POLR1A: variants seen among roughly 807,000 people sequenced by gnomAD.
POLR1A encodes the protein RNA polymerase I subunit A.
POLR1A carries 84 observed loss-of-function variants against 205.3 expected under a neutral mutation model. The ratio of observed to expected loss-of-function variants is 0.41; its 90% CI spans 0.34 to 0.49. The LOEUF is 0.49. Among genes scored for constraint, POLR1A ranks in the 20% least tolerant of loss-of-function variants. The pLI is 0.22. For synonymous variants in POLR1A, 799 were observed against 863.7 expected, an observed-to-expected ratio of 0.93 and a Z score of 1.31; for missense variants, 1,645 against 2,204.5, an observed-to-expected ratio of 0.75 and a Z score of 5.08.
At chr2:86,032,465 C>T in intron 28 of POLR1A, 83 bp from the exon 29 acceptor site, 4 of 960,270 alleles carry the variant, frequency 4.2e-6, no homozygotes, top group Middle Eastern at 2.1e-4. Context: ...ACCAACCCAT[C>T]CATCCATCCA....
Position 86,080,831 on chromosome 2 carries a change from T to A in POLR1A, c.1071A>T (p.Thr357=). The part of the protein sequence containing the change: ...QEQKLPEEVA[T]PTTDEEKDSL... ...CAGCCCTGACCTCATCTGTAGTGGG[T>A]GTGGCCACTTCCTCTGGCAACTTCT... Residue 357 remains threonine, a synonymous_variant, in exon 9 of 34, where the codon ACA becomes ACT. Transcript: ENST00000263857. 2 of 1,612,322 alleles carry A rather than the reference T, an allele frequency of 1.2e-6. No individual in the cohort carries two copies. The highest frequency in any genetic ancestry group is 1.7e-6 in the Non-Finnish European group (2 of 1,179,062).
At chr2:86,071,529 C>T (rs1410062135) in intron 12 of POLR1A, among the ~76,000 whole-genome samples, 2 of 152,146 alleles carry the variant, frequency 1.3e-5, no homozygotes, top group African/African-American at 4.8e-5. Flanking sequence ...AAAAGGTCTT[C>T]ACTTATTTTT....
In POLR1A at chr2:86,024,703, A is replaced by G. The variant is rs1690225650; in HGVS notation, c.*2720T>C. 6.6e-6 allele frequency: 1 copy of G among 152,256 alleles called. No individual in the cohort carries two copies. Among genetic ancestry groups the G allele is most frequent in the African/African-American group, 2.4e-5 (1 of 41,450 alleles). The allele number at this position is 152,256 out of a possible 1,614,324, so 9.4% of individuals were successfully genotyped here. ...CTAGGAGTTTGAAACCAGCCTGAGC[A>G]ATAAACCAAAACCCGTCTCTACAAA... is the stretch of plus-strand genomic sequence containing the variant. On this transcript the variant is annotated 3_prime_UTR_variant, in exon 34 of 34. Transcript: ENST00000263857.
intron 27 of POLR1A, chr2:86,037,129 T>G (rs967720085): frequency 2.6e-5 from 4 of 152,298 alleles, no homozygotes; most frequent in African/African-American, 7.2e-5. Context: ...CTGCACTTGG[T>G]AGTTATGTTC....
At position 86,027,297 on chromosome 2, in the gene POLR1A, G is replaced by A; in HGVS notation, c.*126C>T. 1 of 781,388 alleles carries A rather than the reference G, an allele frequency of 1.3e-6. No individual in the cohort carries two copies. Among genetic ancestry groups the A allele is most frequent in the South Asian group, 1.4e-5 (1 of 69,938 alleles). The allele number at this position is 781,388 out of a possible 1,614,324, so 48.4% of individuals were successfully genotyped here. A position where few individuals can be genotyped will look rare whatever the true frequency, so the allele number is the denominator to read the frequency against. ...TGCTTTCAGGCCCAAGGTCGCTGCT[G>A]TGCTCTGTACTGTCACTTGGAACTG... On this transcript the variant is annotated 3_prime_UTR_variant, in exon 34 of 34. Coordinates refer to ENST00000263857, the MANE Select transcript of POLR1A (RefSeq NM_015425.6).
At position 86,070,704 on chromosome 2, in the gene POLR1A, CG is replaced by C. The variant is rs1312367001; in HGVS notation, c.1612-433del. 7.6e-3 allele frequency among the ~76,000 whole-genome samples: 292 copies of C among 38,402 alleles called. 4 individuals are homozygous for C. The highest frequency in any genetic ancestry group is 0.017 in the South Asian group (30 of 1,750). The allele number at this position is 38,402 out of a possible 152,430, so 25.2% of individuals were successfully genotyped here. A position where few individuals can be genotyped will look rare whatever the true frequency, so the allele number is the denominator to read the frequency against. ...TTGGCAGACTTTCGAATCCCCCCCCCGCCGTGATCACATGTGAGTACATTAT... is the reference window on the plus strand; with the variant it reads ...TTGGCAGACTTTCGAATCCCCCCCCCCCGTGATCACATGTGAGTACATTAT... On this transcript the variant is annotated intron_variant, in intron 12 of 33. Transcript: ENST00000263857. The surrounding 1 kb of genome is among the most constrained non-coding windows in gnomAD (Gnocchi z 4.4).
intron 3 of POLR1A, among the ~76,000 whole-genome samples, chr2:86,097,158 A>G (rs958914121): frequency 1.3e-5 from 2 of 149,052 alleles, no homozygotes; most frequent in Non-Finnish European, 3.0e-5. Flanking sequence ...AAAAACACAA[A>G]TCAAAACCAC....
chr2:86,038,786 C>A lies in POLR1A; in HGVS notation c.3948G>T (p.Gln1316His). The A allele has an allele frequency of 6.2e-7, 1 of 1,614,006 alleles. No homozygotes were observed. The highest frequency in any genetic ancestry group is 1.3e-5 in the African/African-American group (1 of 75,050). ...EEKQNKFQVY[Q>H]LRFQFLPHAY... ...CATGTGGCAGGAACTGAAACCGCAG[C>A]TGGTACACCTGGAATTTGTTCTGTT... The change falls in exon 27 of 34, where the codon CAG (glutamine) becomes CAT (histidine). Residue 1316 changes from glutamine (Q) to histidine (H), a missense_variant. Around this residue, in one of 16 missense-constraint regions of POLR1A, gnomAD observed 394 missense variants for 468.5 expected, o/e 0.84. Transcript: ENST00000263857.
chr2:86,047,483 CT>C, intron 18 of POLR1A, among the ~76,000 whole-genome samples: 1 of 152,338 alleles, frequency 6.6e-6, no homozygotes, highest in Middle Eastern at 3.4e-3. Context: ...ACTCGCTGGA[CT>C]TCCTCTGCCA....
chr2:86,054,091 C>T lies in POLR1A; in HGVS notation c.2208+49G>A, dbSNP rs760024364. The stretch of plus-strand genomic sequence containing the variant: ...CTGTCTCCATTTTAAACCAATCTGT[C>T]TAACCCCGGCACTAGAAGTCTCCAC... On this transcript the variant is annotated intron_variant, in intron 15 of 33. Transcript: ENST00000263857. 2.5e-6 allele frequency: 4 copies of T among 1,594,046 alleles called. No individual in the cohort carries two copies. In the East Asian group the frequency reaches 8.9e-5, roughly 36 times the overall value.
intron 6 of POLR1A, among the ~76,000 whole-genome samples, chr2:86,085,725 T>C (rs982744611): frequency 2.0e-5 from 3 of 152,212 alleles, no homozygotes; most frequent in Non-Finnish European, 4.4e-5. Context: ...TCTCCTCACA[T>C]GCGCTGCATC....
chr2:86,054,365 G>C lies in POLR1A; in HGVS notation c.2059-76C>G, dbSNP rs1033878451. On this transcript the variant is annotated intron_variant, in intron 14 of 33. Coordinates refer to ENST00000263857, the MANE Select transcript of POLR1A (RefSeq NM_015425.6). ...AATGAGGACAAACTGATGGCAAAAAGAAGAGTTAAGAACTTCCCTTTTAGG... is the reference window on the plus strand; with the variant it reads ...AATGAGGACAAACTGATGGCAAAAACAAGAGTTAAGAACTTCCCTTTTAGG... 6.7e-6 allele frequency: 10 copies of C among 1,493,802 alleles called. No individual in the cohort carries two copies. In the Admixed American group the frequency reaches 1.8e-4, roughly 27 times the overall value. 92.5% of individuals were successfully genotyped at this position (1,493,802 alleles called of 1,614,324 possible). A position where few individuals can be genotyped will look rare whatever the true frequency, so the allele number is the denominator to read the frequency against.
Position 86,065,361 on chromosome 2 carries a change from C to T in POLR1A, c.1971G>A (p.Val657=), listed in dbSNP as rs368935454. The T allele has an allele frequency of 5.6e-6, 9 of 1,614,064 alleles. No individual in the cohort carries two copies. The African/African-American group carries it at 8.0e-5, about 14-fold the overall frequency. The change falls in exon 14 of 34, where the codon GTG becomes GTA. Residue 657 remains valine (V), a synonymous_variant. Transcript: ENST00000263857. ...CCACTTTGTCCGTGAGTCCTCGGTA[C>T]ACCAGCTCCATATAGTGCTCCCGGG... ...FFTREHYMEL[V]YRGLTDKVGR...
rs370773571 is a variant in POLR1A, at chr2:86,054,105, A to G, written c.2208+35T>C. On this transcript the variant is annotated intron_variant, in intron 15 of 33. Coordinates refer to ENST00000263857, the MANE Select transcript of POLR1A (RefSeq NM_015425.6). ...AACCAATCTGTCTAACCCCGGCACT[A>G]GAAGTCTCCACTCCACACAGCTGGA... 2.6e-5 allele frequency: 42 copies of G among 1,608,730 alleles called. No individual in the cohort carries two copies. In the African/African-American group the frequency reaches 5.1e-4, roughly 19 times the overall value.
chr2:86,052,731 AC>A, intron 16 of POLR1A, 85 bp downstream of exon 16: 2 of 1,115,870 alleles, frequency 1.8e-6, no homozygotes, highest in Non-Finnish European at 2.5e-6. Flanking sequence ...TTCAGTGTGG[AC>A]GGCTCTCTCT....
chr2:86,079,795 CA>C (rs1353852735), intron 9 of POLR1A, among the ~76,000 whole-genome samples: 1 of 152,072 alleles, frequency 6.6e-6, no homozygotes, highest in East Asian at 1.9e-4. Context: ...CTCCTGGGCT[CA>C]AGTGAACCTC....
chr2:86,096,779 T>C (rs1673712435), intron 3 of POLR1A, among the ~76,000 whole-genome samples: 1 of 152,000 alleles, frequency 6.6e-6, no homozygotes, highest in African/African-American at 2.4e-5. Context: ...CAACTCAAAA[T>C]TGATCAATGA....
Position 86,089,883 on chromosome 2 carries a change from T to A in POLR1A, c.479A>T (p.Glu160Val). The change falls in exon 4 of 34, where the codon GAA (glutamate) becomes GTA (valine). Residue 160 changes from glutamate to valine, a missense_variant. Coordinates refer to ENST00000263857, the MANE Select transcript of POLR1A (RefSeq NM_015425.6). The part of the protein sequence containing the change: ...PDPSASEIRE[E>V]LEQYTTEIVQ... The stretch of plus-strand genomic sequence containing the variant: ...AATTTCAGTTGTGTATTGTTCTAAT[T>A]CCTCCCGAATTTCAGAGGCAGAGGG... 1 of 1,612,906 alleles carries A rather than the reference T, an allele frequency of 6.2e-7. No homozygotes were observed. Among genetic ancestry groups the A allele is most frequent in the Non-Finnish European group, 8.5e-7 (1 of 1,178,880 alleles).
At chr2:86,092,971 A>G (rs1673635308) in intron 3 of POLR1A, among the ~76,000 whole-genome samples, 1 of 152,254 alleles carries the variant, frequency 6.6e-6, no homozygotes, top group African/African-American at 2.4e-5. Flanking sequence ...ATATTAAGAA[A>G]TCAAATCCAA....
Sources: allele counts gnomAD v4.1 joint callset (sites outside exome capture counted in the v4.1 genomes callset), GRCh38; gene constraint gnomAD v4.1.1; regional missense constraint gnomAD v4.1.1; non-coding constraint Gnocchi (gnomAD v3.1); transcripts MANE v1.5; gene names NCBI Gene and HGNC (gene_info 2026-07-23, HGNC 2026-07-21).